ZNF248: variants seen among roughly 807,000 people sequenced by gnomAD.
ZNF248 encodes the protein zinc finger protein 248.
Under a neutral mutation model 44.3 loss-of-function variants are expected in ZNF248, and 20 were observed. The ratio of observed to expected loss-of-function variants is 0.45; its 90% CI spans 0.32 to 0.66. ZNF248 has a LOEUF of 0.66. Among genes scored for constraint, ZNF248 ranks in the 30% least tolerant of loss-of-function variants. The pLI, the probability that ZNF248 is intolerant of heterozygous loss-of-function variation, is 0.04. For synonymous variants in ZNF248, 224 were observed against 229.0 expected (o/e 0.98, Z 0.20); for missense variants, 654 against 677.0 (o/e 0.97, Z 0.38).
intron 5 of ZNF248, among the ~76,000 whole-genome samples, chr10:37,834,188 C>A (rs913472363): frequency 6.6e-6 from 1 of 152,010 alleles, no homozygotes; most frequent in Non-Finnish European, 1.5e-5. Flanking sequence ...TAGCAAAAAT[C>A]TCTATAACAT....
chr10:37,844,099 G>C (rs555715310), intron 3 of ZNF248, among the ~76,000 whole-genome samples: 3 of 152,210 alleles, frequency 2.0e-5, no homozygotes, highest in Admixed American at 2.0e-4. Context: ...AAAATCCAAA[G>C]AGATCCACTG....
At chr10:37,817,256 T>C (rs2133533581) in intron 6 of ZNF248, among the ~76,000 whole-genome samples, 1 of 152,284 alleles carries the variant, frequency 6.6e-6, no homozygotes, top group East Asian at 1.9e-4. Context: ...AGACTCTCAC[T>C]GTTCCTAATG....
In ZNF248 at chr10:37,830,454, T is replaced by C. The variant is rs2133855328; in HGVS notation, c.*1161A>G. 1 of 985,260 alleles carries C rather than the reference T, an allele frequency of 1.0e-6. No individual in the cohort carries two copies. The highest frequency in any genetic ancestry group is 1.2e-6 in the Non-Finnish European group (1 of 829,916). 61.0% of individuals were successfully genotyped at this position (985,260 alleles called of 1,614,324 possible). Reference sequence around the variant, plus strand: ...AAAGAGACTCCGGTAGTATTTAGAGTAGGACAGATTCAGAGGTAGTTAAAA... The same window carrying C: ...AAAGAGACTCCGGTAGTATTTAGAGCAGGACAGATTCAGAGGTAGTTAAAA... On this transcript the variant is annotated 3_prime_UTR_variant, in exon 6 of 6. Coordinates refer to ENST00000395867, the MANE Select transcript of ZNF248 (RefSeq NM_021045.3).
At chr10:37,812,405 T>C (rs1194563150) in intron 6 of ZNF248, among the ~76,000 whole-genome samples, 1 of 152,184 alleles carries the variant, frequency 6.6e-6, no homozygotes, top group Non-Finnish European at 1.5e-5. Context: ...AGGCTAACTC[T>C]ACTTTAGTAC....
chr10:37,767,015 A>G, the ZNF248 span, among the ~76,000 whole-genome samples: 31 of 152,340 alleles, frequency 2.0e-4, no homozygotes, highest in East Asian at 5.4e-3. Flanking sequence ...ACTGGAAGAA[A>G]GGGTATCAGT....
At chr10:37,827,311 A>G (rs2133785694), downstream of ZNF248, among the ~76,000 whole-genome samples, 1 of 152,316 alleles carries the variant, frequency 6.6e-6, no homozygotes, top group South Asian at 2.1e-4. Flanking sequence ...TGTTACTGAA[A>G]GCAGGCTTAC....
chr10:37,793,234 C>G (rs2048767174), intron 6 of ZNF248, among the ~76,000 whole-genome samples: 1 of 152,024 alleles, frequency 6.6e-6, no homozygotes, highest in Non-Finnish European at 1.5e-5. Flanking sequence ...ACTCGGGAGG[C>G]TGAGGCAGCA....
chr10:37,777,011 G>T (rs528935318), intron 6 of ZNF248, among the ~76,000 whole-genome samples: 1 of 152,216 alleles, frequency 6.6e-6, no homozygotes, highest in East Asian at 1.9e-4. Flanking sequence ...TAACTACTAA[G>T]CTCTGTGCCA....
downstream of ZNF248, among the ~76,000 whole-genome samples, chr10:37,772,263 A>G (rs1005390774): frequency 3.3e-5 from 5 of 149,378 alleles, no homozygotes; most frequent in Non-Finnish European, 5.9e-5. Flanking sequence ...AGACTGTCTC[A>G]AGAAAAAAAA....
Position 37,818,707 on chromosome 10 carries a change from G to A in ZNF248, c.330+14318C>T, listed in dbSNP as rs2052967867. 1.6e-5 allele frequency: 9 copies of A among 570,372 alleles called. No homozygotes were observed. The South Asian group carries it at 1.6e-4, about 10-fold the overall frequency. The allele number at this position is 570,372 out of a possible 1,614,324, so 35.3% of individuals were successfully genotyped here. On this transcript the variant is annotated intron_variant, in intron 6 of 6. Transcript: ENST00000615949. ...TTTTGGATATAATGCAGCAAGTAGG[G>A]GGTCACAGGCCAGTTGCTGGGCATC... is the stretch of plus-strand genomic sequence containing the variant.
the ZNF248 span, among the ~76,000 whole-genome samples, chr10:37,769,172 C>G: frequency 1.2e-3 from 177 of 152,312 alleles, no homozygotes; most frequent in Admixed American, 3.5e-3. Flanking sequence ...GAAGGAATCA[C>G]AGCCGAATTC....
intron 3 of ZNF248, among the ~76,000 whole-genome samples, chr10:37,850,709 GA>G (rs1184540156): frequency 6.6e-6 from 1 of 151,874 alleles, no homozygotes; most frequent in Admixed American, 6.6e-5. Flanking sequence ...CAAATTTGTT[GA>G]AAAAAAATTT....
chr10:37,837,716 T>C lies in ZNF248; in HGVS notation c.143-4A>G, dbSNP rs200925. 1 of 1,613,432 alleles carries C rather than the reference T, an allele frequency of 6.2e-7. No homozygotes were observed. Among genetic ancestry groups the C allele is most frequent in the Non-Finnish European group, 8.5e-7 (1 of 1,179,612 alleles). ...TCTGGTTTAGTAATGCAATACCCTG[T>C]TAAGAGAAAATACCACAGGACTAGA... is the stretch of plus-strand genomic sequence containing the variant. On this transcript the variant is annotated splice_region_variant and splice_polypyrimidine_tract_variant and intron_variant, in intron 4 of 5. Transcript: ENST00000395867.
At chr10:37,785,696 C>T (rs183535349) in intron 6 of ZNF248, among the ~76,000 whole-genome samples, 20 of 152,284 alleles carry the variant, frequency 1.3e-4, no homozygotes, top group Admixed American at 9.8e-4. Context: ...TAAAATTCCA[C>T]TCAGGAATGT....
In ZNF248 at chr10:37,832,786, T is replaced by C. The variant is rs766407500; in HGVS notation, c.569A>G (p.Tyr190Cys). The change falls in exon 6 of 6, where the codon TAT (tyrosine) becomes TGT (cysteine). Residue 190 changes from tyrosine to cysteine, a missense_variant. Coordinates refer to ENST00000395867, the MANE Select transcript of ZNF248 (RefSeq NM_021045.3). ...HEKIPIGEKS[Y>C]KYDQKRNAIN... is the part of the protein sequence containing the mutation. ...GGCATTCCTTTTTTGATCATATTTATAAGACTTCTCTCCAATAGGGATTTT... is the reference window on the plus strand; with the variant it reads ...GGCATTCCTTTTTTGATCATATTTACAAGACTTCTCTCCAATAGGGATTTT... 1.7e-5 allele frequency: 28 copies of C among 1,613,706 alleles called. No homozygotes were observed. The highest frequency in any genetic ancestry group is 5.3e-5 in the African/African-American group (4 of 74,922).
intron 6 of ZNF248, among the ~76,000 whole-genome samples, chr10:37,813,019 C>CAAAAAAAA (rs1269928346): frequency 4.3e-5 from 5 of 117,084 alleles, no homozygotes; most frequent in Non-Finnish European, 5.3e-5. Context: ...GTGGATATGG[C>CAAAAAAAA]AAAAAGAAAA....
the ZNF248 span, among the ~76,000 whole-genome samples, chr10:37,771,522 AC>A: frequency 1.6e-3 from 2 of 1,264 alleles, no homozygotes; most frequent in Admixed American, 0.01. Flanking sequence ...TATCGCAAGG[AC>A]AAAAAAATCA....
chr10:37,789,720 G>A (rs1589097626), intron 6 of ZNF248, among the ~76,000 whole-genome samples: 1 of 152,296 alleles, frequency 6.6e-6, no homozygotes, highest in East Asian at 1.9e-4. Context: ...AACATCAGCT[G>A]TGTTGACTGA....
At chr10:37,849,159 C>T (rs1333657547) in intron 3 of ZNF248, among the ~76,000 whole-genome samples, 1 of 152,142 alleles carries the variant, frequency 6.6e-6, no homozygotes, top group Non-Finnish European at 1.5e-5. Flanking sequence ...ACAGGCCAGA[C>T]ATGGTGGCTC....
Sources: allele counts gnomAD v4.1 joint callset (sites outside exome capture counted in the v4.1 genomes callset), GRCh38; gene constraint gnomAD v4.1.1; transcripts MANE v1.5; gene names NCBI Gene and HGNC (gene_info 2026-07-23, HGNC 2026-07-21).